The following COL19A1 variants were observed in gnomAD, a reference collection of about 807,000 sequenced individuals.
COL19A1 encodes the protein collagen alpha-1(XIX) chain.
In COL19A1, 159 loss-of-function variants were observed where a neutral mutation model predicts 190.2. The observed-to-expected ratio is 0.84, with a 90% CI of 0.73 to 0.95. The LOEUF (loss-of-function observed/expected upper bound fraction) is 0.95, where lower values mean the gene tolerates loss of function less well. Ranked by LOEUF, COL19A1 falls within the 40% of genes least tolerant of loss-of-function variation. The pLI, the probability that COL19A1 is intolerant of heterozygous loss-of-function variation, is 0.00. For synonymous variants in COL19A1, 509 were observed against 458.9 expected, an observed-to-expected ratio of 1.11 and a Z score of -1.39; for missense variants, 1,418 against 1,431.9, an observed-to-expected ratio of 0.99 and a Z score of 0.16.
intron 15 of COL19A1, among the ~76,000 whole-genome samples, chr6:70,086,315 A>G (rs1223017269): frequency 6.6e-6 from 1 of 152,122 alleles, no homozygotes; most frequent in South Asian, 2.1e-4. Flanking sequence ...CTTAAAAACA[A>G]TAATATTGAA....
At chr6:70,059,116 A>G (rs902196506) in intron 14 of COL19A1, among the ~76,000 whole-genome samples, 1 of 152,132 alleles carries the variant, frequency 6.6e-6, no homozygotes, top group African/African-American at 2.4e-5. Context: ...GTAGTAGTTT[A>G]GAATTTATGC....
chr6:70,144,245 A>G lies in COL19A1; in HGVS notation c.1662A>G (p.Gln554=), dbSNP rs142287487. Reference sequence around the variant, plus strand: ...GAGAACATGGTATCCCAGGAAAACAAGGCATTAAAGGAGAAAAGGTATAGT... The same window carrying G: ...GAGAACATGGTATCCCAGGAAAACAGGGCATTAAAGGAGAAAAGGTATAGT... ...LPGEHGIPGK[Q]GIKGEKGDPG... The change falls in exon 24 of 51, where the codon CAA becomes CAG. Residue 554 remains glutamine (Q), a synonymous_variant. Transcript: ENST00000620364. The G allele has an allele frequency of 4.3e-6, 7 of 1,612,344 alleles. No homozygotes were observed. The Admixed American group carries it at 1.0e-4, about 23-fold the overall frequency.
chr6:70,146,681 C>A lies in COL19A1; in HGVS notation c.1793C>A (p.Ala598Glu), dbSNP rs1245598591. 1.2e-6 allele frequency: 2 copies of A among 1,605,976 alleles called. No individual in the cohort carries two copies. Among genetic ancestry groups the A allele is most frequent in the African/African-American group, 1.3e-5 (1 of 74,588 alleles). Residue 598 changes from alanine (A) to glutamate (E), a missense_variant, in exon 26 of 51, where the codon GCA becomes GAA. Physicochemically the swap from Ala to Glu is moderately radical, Grantham distance 107 (BLOSUM62 -1). Coordinates refer to ENST00000620364, the MANE Select transcript of COL19A1 (RefSeq NM_001858.6). ...GEPGLDGNPG[A>E]PGPRGPKGER... is the part of the protein sequence containing the mutation. ...TAGGGATTAGATGGAAATCCTGGAG[C>A]ACCTGGTCCACGTGGGCCAAAGGTA...
intron 17 of COL19A1, among the ~76,000 whole-genome samples, chr6:70,129,172 G>A (rs983305034): frequency 6.6e-6 from 1 of 152,160 alleles, no homozygotes; most frequent in African/African-American, 2.4e-5. Context: ...GTCAGTGGAC[G>A]CAAAAAGCAC....
intron 1 of COL19A1, among the ~76,000 whole-genome samples, chr6:69,879,109 C>T (rs937071151): frequency 6.6e-6 from 1 of 152,102 alleles, no homozygotes; most frequent in Non-Finnish European, 1.5e-5. Context: ...GAAAAAAGTT[C>T]TGCAGATGGC....
At chr6:69,973,151 G>C (rs116667571) in intron 11 of COL19A1, among the ~76,000 whole-genome samples, 2,606 of 152,204 alleles carry the variant, frequency 0.017, 85 homozygotes, top group African/African-American at 0.058. Flanking sequence ...TAAAAGGGTG[G>C]TTTTACAATG....
intron 15 of COL19A1, among the ~76,000 whole-genome samples, chr6:70,095,671 T>C (rs1783208537): frequency 6.6e-6 from 1 of 152,178 alleles, no homozygotes; most frequent in Non-Finnish European, 1.5e-5. Context: ...CTATAAACAT[T>C]AAACAACTCC....
chr6:69,916,833 C>A (rs1347683228), intron 4 of COL19A1, among the ~76,000 whole-genome samples: 3 of 151,852 alleles, frequency 2.0e-5, no homozygotes, highest in Non-Finnish European at 2.9e-5. Flanking sequence ...TATTCTTAAC[C>A]AAAAAAGAAA....
intron 4 of COL19A1, among the ~76,000 whole-genome samples, chr6:69,908,117 T>TA (rs1454950202): frequency 6.6e-6 from 1 of 152,224 alleles, no homozygotes; most frequent in Non-Finnish European, 1.5e-5. Flanking sequence ...CCTTGCCTCT[T>TA]AAGGGACTAT....
chr6:70,031,781 G>T (rs1779088849), intron 12 of COL19A1, among the ~76,000 whole-genome samples: 1 of 152,020 alleles, frequency 6.6e-6, no homozygotes, highest in Non-Finnish European at 1.5e-5. Flanking sequence ...ACCACACAAG[G>T]ACCATTTCTG....
At chr6:70,195,082 A>G (rs1271063773) in intron 48 of COL19A1, among the ~76,000 whole-genome samples, 1 of 149,110 alleles carries the variant, frequency 6.7e-6, no homozygotes, top group African/African-American at 2.5e-5. Flanking sequence ...ATTTTTATGT[A>G]TGTATATATG....
chr6:69,881,769 A>C (rs1768571203), intron 2 of COL19A1, among the ~76,000 whole-genome samples: 4 of 152,226 alleles, frequency 2.6e-5, no homozygotes, highest in Admixed American at 1.3e-4. Context: ...TATTTGGTAG[A>C]GGGTGTTCGT....
intron 40 of COL19A1, among the ~76,000 whole-genome samples, chr6:70,168,888 T>G (rs1015612804): frequency 6.6e-6 from 1 of 152,178 alleles, no homozygotes; most frequent in Non-Finnish European, 1.5e-5. Context: ...CCCTTGAGGT[T>G]TGTCTCTTTC....
At chr6:70,161,584 G>A (rs1253132622) in intron 34 of COL19A1, among the ~76,000 whole-genome samples, 2 of 152,128 alleles carry the variant, frequency 1.3e-5, no homozygotes, top group African/African-American at 4.8e-5. Flanking sequence ...GAGGAGTATA[G>A]GCGAGGTGTG....
intron 48 of COL19A1, 49 bp from the exon 49 acceptor site, chr6:70,199,559 T>G (rs1213773002): frequency 1.5e-6 from 2 of 1,312,404 alleles, no homozygotes; most frequent in Non-Finnish European, 2.0e-6. Flanking sequence ...TTTTTTGACA[T>G]AAAATATTTC....
intron 38 of COL19A1, 44 bp from the exon 39 acceptor site, chr6:70,168,127 G>T (rs377310556): frequency 1.2e-6 from 2 of 1,606,724 alleles, no homozygotes; most frequent in East Asian, 2.2e-5. Context: ...CTGTAAATTC[G>T]TCTCATCTTT....
At chr6:70,173,641 A>G (rs571351966) in intron 41 of COL19A1, among the ~76,000 whole-genome samples, 7 of 152,330 alleles carry the variant, frequency 4.6e-5, no homozygotes, top group Non-Finnish European at 5.9e-5. Context: ...CAGAGAAATT[A>G]TTATTTCACT....
chr6:69,947,088 G>C (rs1307965030), intron 9 of COL19A1, among the ~76,000 whole-genome samples: 3 of 151,770 alleles, frequency 2.0e-5, no homozygotes, highest in African/African-American at 7.3e-5. Context: ...GCTGATCCCT[G>C]CTCCGGAACA....
intron 35 of COL19A1, among the ~76,000 whole-genome samples, chr6:70,162,927 A>G (rs1249101467): frequency 6.6e-6 from 1 of 152,194 alleles, no homozygotes; most frequent in Non-Finnish European, 1.5e-5. Context: ...TTTATTTTTC[A>G]GTGGTAAAAT....
Sources: allele counts gnomAD v4.1 joint callset (sites outside exome capture counted in the v4.1 genomes callset), GRCh38; gene constraint gnomAD v4.1.1; transcripts MANE v1.5; gene names NCBI Gene and HGNC (gene_info 2026-07-23, HGNC 2026-07-21).